The following KICS2 variants were observed in gnomAD, a reference collection of about 807,000 sequenced individuals.
KICS2 encodes KICSTOR complex protein C12orf66.
Under a neutral mutation model 31.4 loss-of-function variants are expected in KICS2, and 13 were observed. The ratio of observed to expected loss-of-function variants is 0.41; its 90% CI spans 0.27 to 0.66. The LOEUF (loss-of-function observed/expected upper bound fraction) is 0.66. KICS2 is among the 30% of genes least tolerant of loss of function. KICS2 has a pLI of 0.28. For synonymous variants in KICS2, 209 were observed against 214.8 expected (o/e 0.97, Z 0.24); for missense variants, 455 against 545.4 (o/e 0.83, Z 1.65).
At chr12:64,195,887 TCTGA>T (rs1386261507) in intron 2 of KICS2, among the ~76,000 whole-genome samples, 3 of 152,166 alleles carry the variant, frequency 2.0e-5, no homozygotes, top group Non-Finnish European at 4.4e-5. Flanking sequence ...ACTGCGCTTT[TCTGA>T]CTGACTTAAA....
intron 1 of KICS2, among the ~76,000 whole-genome samples, chr12:64,217,909 GAAGA>G (rs374347965): frequency 1.3e-5 from 2 of 151,830 alleles, no homozygotes; most frequent in Admixed American, 6.6e-5. Context: ...GAAAAGAAAA[GAAGA>G]AAGGAAGGAA....
In KICS2 at chr12:64,194,113, C is replaced by G. The variant is rs751718683; in HGVS notation, c.1067G>C (p.Arg356Thr). The change falls in exon 3 of 3, where the codon AGG becomes ACG. Residue 356 changes from arginine to threonine, a missense_variant. Arg to Thr is a moderately conservative substitution (Grantham distance 71, BLOSUM62 -1). Transcript: ENST00000398055. ...YPAVVSLPSD[R>T]PVMHWPNVIM... ...GACATTGGGCCAGTGCATGACTGGC[C>G]TGTCGCTGGGCAGAGACACTACAGC... 1.1e-5 allele frequency: 17 copies of G among 1,614,172 alleles called. No individual in the cohort carries two copies. Among genetic ancestry groups the G allele is most frequent in the Non-Finnish European group, 1.4e-5 (17 of 1,180,040 alleles).
chr12:64,221,989 C>T lies in KICS2; in HGVS notation c.235+14G>A, dbSNP rs774280599. On this transcript the variant is annotated intron_variant, in intron 1 of 2. Coordinates refer to ENST00000398055, the MANE Select transcript of KICS2 (RefSeq NM_152440.5). ...CTTCCTCCTCAAGGGGCTCGGGGGG[C>T]GGGGCGGAGGTACCTAGTTTCTGCC... 6.3e-6 allele frequency: 10 copies of T among 1,599,680 alleles called. No homozygotes were observed. The East Asian group carries it at 2.3e-4, about 36-fold the overall frequency.
At chr12:64,204,956 T>C (rs1277990779) in intron 2 of KICS2, 1 of 152,196 alleles carries the variant, frequency 6.6e-6, no homozygotes, top group African/African-American at 2.4e-5. Context: ...AGAATAAGTC[T>C]CAAAATCTTT....
chr12:64,195,633 G>A (rs1565714422), intron 2 of KICS2, among the ~76,000 whole-genome samples: 1 of 152,248 alleles, frequency 6.6e-6, no homozygotes, highest in African/African-American at 2.4e-5. Flanking sequence ...CCGGTCTACA[G>A]CTCCCAGCAT....
chr12:64,206,246 G>A (rs1279633537), intron 2 of KICS2, among the ~76,000 whole-genome samples: 1 of 151,872 alleles, frequency 6.6e-6, no homozygotes, highest in Non-Finnish European at 1.5e-5. Context: ...TTTTTCACAT[G>A]TGCAGAACAT....
intron 2 of KICS2, among the ~76,000 whole-genome samples, chr12:64,196,156 C>A (rs2037434848): frequency 6.6e-6 from 1 of 152,084 alleles, no homozygotes; most frequent in African/African-American, 2.4e-5. Context: ...AGGGCACAGA[C>A]ACACAAAAAG....
Position 64,219,188 on chromosome 12 carries a change from T to C in KICS2, c.235+2815A>G, listed in dbSNP as rs569520194. Among the ~76,000 whole-genome samples the C allele has an allele frequency of 3.9e-5, 6 of 152,322 alleles. No homozygotes were observed. The East Asian group carries it at 9.6e-4, about 24-fold the overall frequency. Reference sequence around the variant, plus strand: ...CTTGGGCATTTTATTCTCCAACTTCTTGCTAATAATACTTTTTAAACATCA... The same window carrying C: ...CTTGGGCATTTTATTCTCCAACTTCCTGCTAATAATACTTTTTAAACATCA... On this transcript the variant is annotated intron_variant, in intron 1 of 2. Transcript: ENST00000398055.
At chr12:64,206,977 T>A (rs1322392138) in intron 2 of KICS2, among the ~76,000 whole-genome samples, 1 of 152,056 alleles carries the variant, frequency 6.6e-6, no homozygotes, top group Admixed American at 6.6e-5. Flanking sequence ...GTGAATATAC[T>A]TAACACTACT....
intron 2 of KICS2, among the ~76,000 whole-genome samples, chr12:64,196,296 A>T (rs1252061111): frequency 6.6e-6 from 1 of 151,358 alleles, no homozygotes; most frequent in Middle Eastern, 3.2e-3. Context: ...CTGACCCCTG[A>T]CCCCCGAGCA....
chr12:64,215,259 C>G (rs565324238), intron 2 of KICS2, among the ~76,000 whole-genome samples: 9 of 152,078 alleles, frequency 5.9e-5, no homozygotes, highest in Non-Finnish European at 1.3e-4. Context: ...TTGCAGTGAG[C>G]TGAGATCATG....
intron 2 of KICS2, among the ~76,000 whole-genome samples, chr12:64,205,773 AAG>A: frequency 8.8e-6 from 1 of 113,676 alleles, no homozygotes; most frequent in African/African-American, 3.6e-5. Context: ...AGGAAGGAAA[AAG>A]GGAAGGAAGG....
At chr12:64,214,863 T>C (rs188708407) in intron 2 of KICS2, among the ~76,000 whole-genome samples, 244 of 151,806 alleles carry the variant, frequency 1.6e-3, no homozygotes, top group African/African-American at 4.9e-3. Context: ...TAAAATGAAA[T>C]CTAAACTGTA....
intron 2 of KICS2, among the ~76,000 whole-genome samples, chr12:64,210,068 C>A (rs368294058): frequency 6.6e-6 from 1 of 152,128 alleles, no homozygotes. Context: ...TAGCAAAGGG[C>A]AAAATCATGT....
chr12:64,209,643 A>G (rs1247912092), intron 2 of KICS2, among the ~76,000 whole-genome samples: 1 of 152,198 alleles, frequency 6.6e-6, no homozygotes, highest in East Asian at 1.9e-4. Flanking sequence ...ACACCATTCT[A>G]CTGTGAACAC....
At chr12:64,220,337 C>A (rs193027255) in intron 1 of KICS2, among the ~76,000 whole-genome samples, 3 of 152,132 alleles carry the variant, frequency 2.0e-5, no homozygotes, top group Admixed American at 2.0e-4. Context: ...TTCTTACACA[C>A]AGGGCAGCCA....
chr12:64,196,435 C>G (rs922133262), intron 2 of KICS2, among the ~76,000 whole-genome samples: 116 of 143,464 alleles, frequency 8.1e-4, no homozygotes, highest in South Asian at 2.4e-3. Flanking sequence ...ACATCCACAC[C>G]GAAAACCCAT....
downstream of KICS2, chr12:64,186,346 A>C (rs1159773739): frequency 6.6e-6 from 1 of 152,246 alleles, no homozygotes; most frequent in Non-Finnish European, 1.5e-5. Flanking sequence ...AAGGTAACCA[A>C]TAAGACTGTT....
In KICS2 at chr12:64,192,796, A is replaced by G; in HGVS notation, c.*1046T>C. 5 of 985,418 alleles carry G rather than the reference A, an allele frequency of 5.1e-6. No homozygotes were observed. The highest frequency in any genetic ancestry group is 6.0e-6 in the Non-Finnish European group (5 of 829,946). The allele number at this position is 985,418 out of a possible 1,614,324, so 61.0% of individuals were successfully genotyped here. On this transcript the variant is annotated 3_prime_UTR_variant, in exon 3 of 3. Transcript: ENST00000398055. ...CTAAGATGCAGTGCTGCTTCTAAAC[A>G]TAATTTGTGGGGGGCAGGCATGAAA... is the stretch of plus-strand genomic sequence containing the variant.
Sources: allele counts gnomAD v4.1 joint callset (sites outside exome capture counted in the v4.1 genomes callset), GRCh38; gene constraint gnomAD v4.1.1; transcripts MANE v1.5; gene names NCBI Gene and HGNC (gene_info 2026-07-23, HGNC 2026-07-21).